ARID2: variants seen among roughly 807,000 people sequenced by gnomAD.
ARID2 encodes the protein AT-rich interactive domain-containing protein 2.
ARID2 carries 32 observed loss-of-function variants against 184.6 expected under a neutral mutation model. The ratio of observed to expected loss-of-function variants is 0.17; its 90% confidence interval spans 0.13 to 0.23. ARID2 has a LOEUF of 0.23. Ranked by LOEUF, ARID2 falls within the 10% of genes least tolerant of loss-of-function variation. The pLI is 1.00. For synonymous variants in ARID2, 836 were observed against 772.6 expected (o/e 1.08, Z -1.36); for missense variants, 1,696 against 2,197.6 (o/e 0.77, Z 4.56).
chr12:45,834,375 A>G (rs1943176277), intron 6 of ARID2, among the ~76,000 whole-genome samples: 1 of 145,432 alleles, frequency 6.9e-6, no homozygotes, highest in Admixed American at 6.9e-5. Flanking sequence ...TCTGTTTTTT[A>G]TTTGTCAGAA....
intron 14 of ARID2, 63 bp downstream of exon 14, chr12:45,849,839 AT>A: frequency 2.0e-6 from 3 of 1,492,822 alleles, no homozygotes; most frequent in Non-Finnish European, 2.7e-6. Context: ...AATGAAAAAT[AT>A]ATATTCTATG....
intron 16 of ARID2, among the ~76,000 whole-genome samples, chr12:45,870,178 C>CG (rs1943900730): frequency 6.6e-6 from 1 of 151,922 alleles, no homozygotes; most frequent in African/African-American, 2.4e-5. Flanking sequence ...TAGTAGAGAA[C>CG]GGGGCTTCAC....
At chr12:45,741,272 C>T (rs559603507) in intron 3 of ARID2, among the ~76,000 whole-genome samples, 1 of 152,286 alleles carries the variant, frequency 6.6e-6, no homozygotes, top group Non-Finnish European at 1.5e-5. Context: ...AATCATGGCT[C>T]ATTGCAGCCT....
chr12:45,785,714 C>CA (rs916333255), intron 3 of ARID2, among the ~76,000 whole-genome samples: 86 of 151,878 alleles, frequency 5.7e-4, no homozygotes, highest in African/African-American at 1.9e-3. Context: ...CAAACATTCC[C>CA]AAAAAAACAC....
At chr12:45,729,998 G>A (rs2137959261) in intron 1 of ARID2, 46 bp from the exon 2 acceptor site, 1 of 1,608,144 alleles carries the variant, frequency 6.2e-7, no homozygotes, top group South Asian at 1.1e-5. Flanking sequence ...CCCGGGCCGG[G>A]CACGGGGTCC....
intron 4 of ARID2, among the ~76,000 whole-genome samples, chr12:45,812,316 T>C (rs1227813291): frequency 6.6e-6 from 1 of 152,100 alleles, no homozygotes; most frequent in Admixed American, 6.5e-5. Context: ...TTCTGTACTC[T>C]TACAGGTTAT....
rs750280640 is a variant in ARID2, at chr12:45,904,997, C to T, written c.5427C>T (p.Ser1809=). The T allele has an allele frequency of 2.5e-6, 4 of 1,613,808 alleles. No individual in the cohort carries two copies. In the African/African-American group the frequency reaches 5.3e-5, roughly 22 times the overall value. The part of the protein sequence containing the change: ...VLAISNMEAS[S]TLAKCLYELN... The stretch of plus-strand genomic sequence containing the variant: ...CCATTAGTAACATGGAAGCTTCCTC[C>T]ACCCTTGCCAAATGCCTTTATGAAC... The change falls in exon 21 of 21, where the codon TCC becomes TCT. Residue 1809 remains serine, a synonymous_variant. Transcript: ENST00000334344.
At chr12:45,883,595 T>TA (rs1944138703) in intron 16 of ARID2, among the ~76,000 whole-genome samples, 1 of 149,994 alleles carries the variant, frequency 6.7e-6, no homozygotes, top group Non-Finnish European at 1.5e-5. Flanking sequence ...ATACTGTATA[T>TA]AAAAATATAC....
At chr12:45,740,374 C>T (rs1245542423) in intron 3 of ARID2, among the ~76,000 whole-genome samples, 2 of 151,908 alleles carry the variant, frequency 1.3e-5, no homozygotes, top group Non-Finnish European at 2.9e-5. Context: ...AATTGTTTTG[C>T]CACATTTGGT....
Position 45,852,516 on chromosome 12 carries a change from C to A in ARID2, c.4393C>A (p.Pro1465Thr), listed in dbSNP as rs146628989. 4 of 1,613,994 alleles carry A rather than the reference C, an allele frequency of 2.5e-6. No individual in the cohort carries two copies. Among genetic ancestry groups the A allele is most frequent in the Non-Finnish European group, 3.4e-6 (4 of 1,180,016 alleles). The change falls in exon 15 of 21, where the codon CCA becomes ACA. Residue 1465 changes from proline (P) to threonine (T), a missense_variant. Coordinates refer to ENST00000334344, the MANE Select transcript of ARID2 (RefSeq NM_152641.4). ...SLNSDVPQQR[P>T]SVVVSPHSTT... The stretch of plus-strand genomic sequence containing the variant: ...GAATTCAGATGTGCCTCAGCAACGC[C>A]CAAGTGTAGTTGTCTCACCACATTC...
chr12:45,859,874 C>T (rs1362052619), intron 15 of ARID2, among the ~76,000 whole-genome samples: 1 of 152,154 alleles, frequency 6.6e-6, no homozygotes, highest in Non-Finnish European at 1.5e-5. Flanking sequence ...GCTGGGATTA[C>T]AGGCGCCTGC....
intron 15 of ARID2, among the ~76,000 whole-genome samples, chr12:45,855,505 A>C (rs1393914013): frequency 2.0e-5 from 3 of 152,220 alleles, no homozygotes; most frequent in Non-Finnish European, 1.5e-5. Flanking sequence ...TGCCTGCTAC[A>C]TATATGGGCA....
At chr12:45,891,721 A>G (rs1944304102) in intron 16 of ARID2, 59 bp from the exon 17 acceptor site, 2 of 1,568,178 alleles carry the variant, frequency 1.3e-6, no homozygotes, top group African/African-American at 1.4e-5. Context: ...GAAATTTTTG[A>G]AATAGTTTCA....
chr12:45,822,985 T>C (rs1057152451), intron 6 of ARID2, among the ~76,000 whole-genome samples: 3 of 152,166 alleles, frequency 2.0e-5, no homozygotes, highest in Non-Finnish European at 4.4e-5. Context: ...TAGACATTTA[T>C]AGACTATTTT....
At chr12:45,835,199 T>C (rs1202669104) in intron 6 of ARID2, among the ~76,000 whole-genome samples, 1 of 152,182 alleles carries the variant, frequency 6.6e-6, no homozygotes, top group East Asian at 1.9e-4. Context: ...AGAATTTCTT[T>C]TTAGTTCTTT....
chr12:45,837,125 G>A, intron 8 of ARID2, 134 bp downstream of exon 8: 1 of 1,267,588 alleles, frequency 7.9e-7, no homozygotes, highest in Non-Finnish European at 1.1e-6. Context: ...GCTAAAAATG[G>A]TGATGTAGAA....
chr12:45,869,050 C>T (rs1177489612), intron 16 of ARID2, among the ~76,000 whole-genome samples: 1 of 151,212 alleles, frequency 6.6e-6, no homozygotes, highest in Non-Finnish European at 1.5e-5. Flanking sequence ...GATGGAGTCT[C>T]GCTGTGTCAC....
intron 4 of ARID2, among the ~76,000 whole-genome samples, chr12:45,812,657 T>C (rs1942731156): frequency 6.6e-6 from 1 of 152,226 alleles, no homozygotes; most frequent in African/African-American, 2.4e-5. Flanking sequence ...TAATAGTTTA[T>C]GCTGATAAGA....
At chr12:45,884,687 A>C (rs1369097444) in intron 16 of ARID2, among the ~76,000 whole-genome samples, 1 of 152,212 alleles carries the variant, frequency 6.6e-6, no homozygotes, top group Admixed American at 6.5e-5. Flanking sequence ...GAGGAAAGGA[A>C]AGGAGTCAGA....
Sources: gnomAD v4.1 joint callset for allele counts (sites outside exome capture counted in the v4.1 genomes callset) on GRCh38, gnomAD v4.1.1 for gene constraint, MANE v1.5 for transcripts, NCBI Gene and HGNC (gene_info 2026-07-23, HGNC 2026-07-21) for gene names.